The following BCR variants were observed in gnomAD, a reference collection of about 807,000 sequenced individuals.
BCR encodes the protein BCR activator of RhoGEF and GTPase.
BCR carries 58 observed loss-of-function variants against 138.6 expected under a neutral mutation model. That is an observed-to-expected ratio of 0.42 (90% CI 0.34 to 0.52). The LOEUF is 0.52. Among genes scored for constraint, BCR ranks in the 20% least tolerant of loss-of-function variants. The pLI is 0.06. For missense variants in BCR, 1,599 were observed against 1,727.2 expected, an observed-to-expected ratio of 0.93 and a Z score of 1.32; for synonymous variants, 786 against 730.1, an observed-to-expected ratio of 1.08 and a Z score of -1.23.
chr22:23,255,928 A>G (rs1369383451), intron 2 of BCR, among the ~76,000 whole-genome samples: 1 of 152,058 alleles, frequency 6.6e-6, no homozygotes, highest in Non-Finnish European at 1.5e-5. Flanking sequence ...AGAGGAGGGG[A>G]TTTGATTGGA....
chr22:23,206,062 A>G (rs2072609369), intron 1 of BCR, among the ~76,000 whole-genome samples: 1 of 152,164 alleles, frequency 6.6e-6, no homozygotes, highest in Non-Finnish European at 1.5e-5. Flanking sequence ...TCCTCAGAGA[A>G]GTTGCCGGAG....
At chr22:23,277,432 CCCT>C (rs1305305968) in intron 8 of BCR, among the ~76,000 whole-genome samples, 1 of 152,196 alleles carries the variant, frequency 6.6e-6, no homozygotes. Flanking sequence ...ACGTTTCCAC[CCCT>C]CCTCTTGTTC....
At chr22:23,214,277 C>G (rs774380577) in intron 1 of BCR, among the ~76,000 whole-genome samples, 6 of 151,968 alleles carry the variant, frequency 3.9e-5, no homozygotes, top group African/African-American at 1.2e-4. Flanking sequence ...TGGAAAGGCC[C>G]GGAGTGTTCA....
intron 1 of BCR, among the ~76,000 whole-genome samples, chr22:23,200,625 A>G (rs1412819654): frequency 6.6e-6 from 1 of 152,068 alleles, no homozygotes; most frequent in South Asian, 2.1e-4. Flanking sequence ...TGGTGCGATC[A>G]TGGCTCACCG....
intron 8 of BCR, among the ~76,000 whole-genome samples, chr22:23,278,488 A>T (rs767398285): frequency 6.6e-6 from 1 of 152,182 alleles, no homozygotes; most frequent in Non-Finnish European, 1.5e-5. Context: ...GCACTTTGGG[A>T]GGCCGAGGCG....
At chr22:23,248,491 G>A (rs2073181622) in intron 1 of BCR, among the ~76,000 whole-genome samples, 1 of 151,834 alleles carries the variant, frequency 6.6e-6, no homozygotes, top group Admixed American at 6.6e-5. Context: ...CACCTACCTG[G>A]GCCTGGGCTG....
chr22:23,201,770 G>T (rs1438218572), intron 1 of BCR, among the ~76,000 whole-genome samples: 1 of 152,086 alleles, frequency 6.6e-6, no homozygotes, highest in Non-Finnish European at 1.5e-5. Context: ...TGGGTTTTTT[G>T]AAAAGCTCCC....
In BCR at chr22:23,213,436, G is replaced by C. The variant is rs1011314848; in HGVS notation, c.1279+31197G>C. Among the ~76,000 whole-genome samples the C allele has an allele frequency of 2.0e-5, 3 of 152,216 alleles. No individual in the cohort carries two copies. In the East Asian group the frequency reaches 5.8e-4, roughly 29 times the overall value. On this transcript the variant is annotated intron_variant, in intron 1 of 22. Transcript: ENST00000305877. ...CTATGGGCTCAAATTCCGGAGGGAC[G>C]CTGAGCCAGGTCCCAGCCTGTGCAC...
chr22:23,303,866 A>C (rs2073929141), intron 16 of BCR, among the ~76,000 whole-genome samples: 1 of 150,982 alleles, frequency 6.6e-6, no homozygotes, highest in Admixed American at 6.6e-5. Flanking sequence ...AAATTTACAG[A>C]GCTGTACAAC....
At chr22:23,297,200 C>G (rs1159399026) in intron 16 of BCR, among the ~76,000 whole-genome samples, 2 of 144,248 alleles carry the variant, frequency 1.4e-5, no homozygotes, top group African/African-American at 5.2e-5. Flanking sequence ...CCATGCCTGG[C>G]TAAGTTGTTT....
intron 2 of BCR, 55 bp downstream of exon 2, chr22:23,254,035 G>C (rs1009835377): frequency 7.8e-6 from 12 of 1,533,578 alleles, no homozygotes; most frequent in Non-Finnish European, 1.1e-5. Flanking sequence ...TCCCTGAAGC[G>C]CAGCCCCATG....
intron 1 of BCR, among the ~76,000 whole-genome samples, chr22:23,194,998 C>T (rs867028665): frequency 7.3e-5 from 11 of 150,982 alleles, no homozygotes; most frequent in Admixed American, 3.3e-4. Flanking sequence ...TTTTTTTGGC[C>T]GGGAGTGGTG....
chr22:23,313,816 A>G, intron 20 of BCR, 152 bp from the exon 21 acceptor site: 3 of 787,076 alleles, frequency 3.8e-6, no homozygotes, highest in African/African-American at 1.7e-5. Context: ...TGCCCCTCAC[A>G]GGGTCCTCAA....
At chr22:23,214,506 T>A (rs1465404615) in intron 1 of BCR, among the ~76,000 whole-genome samples, 2 of 152,262 alleles carry the variant, frequency 1.3e-5, no homozygotes, top group African/African-American at 4.8e-5. Context: ...CTCTGTGGCC[T>A]GTGCCATGGC....
chr22:23,312,678 AGGAATG>A, intron 19 of BCR: 1 of 577,646 alleles, frequency 1.7e-6, no homozygotes, highest in South Asian at 2.0e-5. Context: ...AGCAGGGGAG[AGGAATG>A]GGAATGCCCA....
intron 1 of BCR, chr22:23,216,912 G>A: frequency 3.1e-6 from 1 of 318,686 alleles, no homozygotes; most frequent in Non-Finnish European, 6.4e-6. Context: ...CCTGGGCTAT[G>A]GAACTTCTCA....
Position 23,181,716 on chromosome 22 carries a change from C to A in BCR, c.756C>A (p.Asn252Lys). Residue 252 changes from asparagine to lysine, a missense_variant, in exon 1 of 23, where the codon AAC becomes AAA. Physicochemically the swap from Asn to Lys is moderately conservative, Grantham distance 94. Coordinates refer to ENST00000305877, the MANE Select transcript of BCR (RefSeq NM_004327.4). ...GCGACTACGAGGACGCCGAGTTGAACCCCCGCTTCCTGAAGGACAACCTGA... is the reference window on the plus strand; with the variant it reads ...GCGACTACGAGGACGCCGAGTTGAAACCCCGCTTCCTGAAGGACAACCTGA... ...VDGDYEDAELNPRFLKDNLID... is the reference protein window; with the variant it reads ...VDGDYEDAELKPRFLKDNLID... 2 of 1,603,902 alleles carry A rather than the reference C, an allele frequency of 1.2e-6. No homozygotes were observed. The highest frequency in any genetic ancestry group is 1.7e-6 in the Non-Finnish European group (2 of 1,179,956).
intron 1 of BCR, among the ~76,000 whole-genome samples, chr22:23,227,246 G>A (rs1462861684): frequency 6.6e-6 from 1 of 152,186 alleles, no homozygotes; most frequent in East Asian, 1.9e-4. Context: ...CCTACTGTGT[G>A]CCAGGCATAG....
chr22:23,292,043 C>T (rs751233799), intron 14 of BCR, among the ~76,000 whole-genome samples: 1 of 152,228 alleles, frequency 6.6e-6, no homozygotes, highest in Non-Finnish European at 1.5e-5. Context: ...CTGCACCCCA[C>T]GACTTCTCCA....
Sources: gnomAD v4.1 joint callset for allele counts (sites outside exome capture counted in the v4.1 genomes callset) on GRCh38, gnomAD v4.1.1 for gene constraint, MANE v1.5 for transcripts, NCBI Gene and HGNC (gene_info 2026-07-23, HGNC 2026-07-21) for gene names.